The following PABPC4L variants were observed in gnomAD, a reference collection of about 807,000 sequenced individuals.
The protein encoded by PABPC4L is polyadenylate-binding protein 4-like.
For synonymous variants in PABPC4L, 169 were observed against 164.1 expected (o/e 1.03, Z -0.23); for missense variants, 452 against 451.4 (o/e 1.00, Z -0.01).
At chr4:133,978,592 T>C in the PABPC4L span, among the ~76,000 whole-genome samples, 1 of 151,972 alleles carries the variant, frequency 6.6e-6, no homozygotes, top group Non-Finnish European at 1.5e-5. Context: ...GTATCTCCAA[T>C]ATAAAATATT....
the PABPC4L span, among the ~76,000 whole-genome samples, chr4:134,016,691 T>A: frequency 6.6e-6 from 1 of 152,158 alleles, no homozygotes; most frequent in East Asian, 1.9e-4. Context: ...TTCTATTCTG[T>A]CGTCATTTCA....
chr4:134,026,798 G>C, the PABPC4L span, among the ~76,000 whole-genome samples: 1 of 152,052 alleles, frequency 6.6e-6, no homozygotes, highest in Non-Finnish European at 1.5e-5. Flanking sequence ...CAAACATACA[G>C]GGAAATTTTC....
chr4:134,105,129 G>C, the PABPC4L span, among the ~76,000 whole-genome samples: 2 of 151,782 alleles, frequency 1.3e-5, no homozygotes, highest in South Asian at 4.2e-4. Flanking sequence ...GAGTATTCCA[G>C]AGTTTGCCTG....
chr4:134,063,722 A>G, the PABPC4L span, among the ~76,000 whole-genome samples: 1 of 152,074 alleles, frequency 6.6e-6, no homozygotes, highest in African/African-American at 2.4e-5. Flanking sequence ...AATATATAAA[A>G]TGAATATGAA....
the PABPC4L span, among the ~76,000 whole-genome samples, chr4:134,069,276 G>A: frequency 6.6e-6 from 1 of 152,040 alleles, no homozygotes; most frequent in Non-Finnish European, 1.5e-5. Context: ...TTTTGGTGTT[G>A]GAGAATATGA....
the PABPC4L span, among the ~76,000 whole-genome samples, chr4:134,151,401 T>C: frequency 6.6e-6 from 1 of 152,116 alleles, no homozygotes; most frequent in African/African-American, 2.4e-5. Context: ...TACTAAATTT[T>C]TGTTGGTGTT....
the PABPC4L span, among the ~76,000 whole-genome samples, chr4:134,109,763 T>G: frequency 1.4e-4 from 21 of 151,900 alleles, no homozygotes; most frequent in African/African-American, 4.8e-4. Flanking sequence ...TTTTTTTTTT[T>G]GAGACATCGT....
chr4:134,090,546 C>G, the PABPC4L span, among the ~76,000 whole-genome samples: 1 of 152,058 alleles, frequency 6.6e-6, no homozygotes, highest in Non-Finnish European at 1.5e-5. Context: ...GATAGGATGA[C>G]TTGAGGCAAG....
chr4:133,955,033 A>G, the PABPC4L span, among the ~76,000 whole-genome samples: 172 of 152,320 alleles, frequency 1.1e-3, no homozygotes, highest in Non-Finnish European at 2.0e-3. Context: ...TATTACAAAC[A>G]TAAATATTAA....
At chr4:134,009,689 T>G in the PABPC4L span, among the ~76,000 whole-genome samples, 1 of 152,000 alleles carries the variant, frequency 6.6e-6, no homozygotes, top group Admixed American at 6.6e-5. Flanking sequence ...TCTGAGAAAT[T>G]CATTGAACTA....
At chr4:134,044,486 G>A in the PABPC4L span, among the ~76,000 whole-genome samples, 1 of 151,820 alleles carries the variant, frequency 6.6e-6, no homozygotes, top group African/African-American at 2.4e-5. Flanking sequence ...GGATGGTCTA[G>A]ATCTCCTGAC....
chr4:133,970,035 A>G, the PABPC4L span, among the ~76,000 whole-genome samples: 3 of 147,108 alleles, frequency 2.0e-5, no homozygotes, highest in Non-Finnish European at 3.0e-5. Flanking sequence ...AAATATATAT[A>G]TATTTATTTA....
the PABPC4L span, among the ~76,000 whole-genome samples, chr4:134,015,587 G>C: frequency 6.6e-6 from 1 of 152,054 alleles, no homozygotes; most frequent in Non-Finnish European, 1.5e-5. Context: ...ATCCTCATCT[G>C]TTACCTATCT....
chr4:134,080,899 TCATATTGAC>T, the PABPC4L span, among the ~76,000 whole-genome samples: 4 of 152,100 alleles, frequency 2.6e-5, no homozygotes, highest in Admixed American at 1.3e-4. Context: ...ACACAGTGTA[TCATATTGAC>T]CATGTAACTG....
the PABPC4L span, among the ~76,000 whole-genome samples, chr4:134,106,604 T>C: frequency 6.6e-6 from 1 of 151,558 alleles, no homozygotes; most frequent in East Asian, 1.9e-4. Flanking sequence ...TTAGTGACTA[T>C]ATCAATGGAA....
At chr4:134,056,860 T>G in the PABPC4L span, among the ~76,000 whole-genome samples, 1 of 152,044 alleles carries the variant, frequency 6.6e-6, no homozygotes, top group Non-Finnish European at 1.5e-5. Flanking sequence ...TTTTTCTGGC[T>G]GTGTATCTTT....
chr4:134,060,676 C>T, the PABPC4L span, among the ~76,000 whole-genome samples: 2 of 151,776 alleles, frequency 1.3e-5, no homozygotes, highest in South Asian at 4.2e-4. Context: ...GAGCTGTGCA[C>T]CCTAAATAAC....
chr4:134,185,022 T>C, the PABPC4L span, among the ~76,000 whole-genome samples: 1 of 152,070 alleles, frequency 6.6e-6, no homozygotes, highest in Admixed American at 6.6e-5. Flanking sequence ...GGTAATTCAC[T>C]TGCTTATTGT....
the PABPC4L span, among the ~76,000 whole-genome samples, chr4:134,101,295 TTAAAG>T: frequency 1.3e-5 from 2 of 151,600 alleles, no homozygotes; most frequent in African/African-American, 4.8e-5. Flanking sequence ...AAGTTTTCCA[TTAAAG>T]TAAACTTTAA....
Sources: allele counts gnomAD v4.1 joint callset (sites outside exome capture counted in the v4.1 genomes callset), GRCh38; gene constraint gnomAD v4.1.1; transcripts MANE v1.5; gene names NCBI Gene and HGNC (gene_info 2026-07-23, HGNC 2026-07-21).